The following SYT9 variants were observed in gnomAD, a reference collection of about 807,000 sequenced individuals.
SYT9 encodes the protein synaptotagmin 9, also known as synaptotagmin-9.
Under a neutral mutation model 48.4 loss-of-function variants are expected in SYT9, and 22 were observed. The ratio of observed to expected loss-of-function variants is 0.45; its 90% CI spans 0.32 to 0.65. The LOEUF (loss-of-function observed/expected upper bound fraction) is 0.65, where lower values mean the gene tolerates loss of function less well. SYT9 is among the 30% of genes least tolerant of loss of function. The pLI, the probability that SYT9 is intolerant of heterozygous loss-of-function variation, is 0.03. For missense variants in SYT9, 577 were observed against 622.0 expected (o/e 0.93, Z 0.77); for synonymous variants, 265 against 245.0 (o/e 1.08, Z -0.76).
chr11:7,425,604 T>A (rs1447226251), intron 6 of SYT9, among the ~76,000 whole-genome samples: 1 of 152,196 alleles, frequency 6.6e-6, no homozygotes, highest in Admixed American at 6.5e-5. Flanking sequence ...AAAGTGCTGC[T>A]ACTCAGCAAG....
At chr11:7,351,364 C>T (rs923534248) in intron 3 of SYT9, among the ~76,000 whole-genome samples, 1 of 152,190 alleles carries the variant, frequency 6.6e-6, no homozygotes, top group Non-Finnish European at 1.5e-5. Context: ...CAAGAGGGCC[C>T]TGAGGCTTTG....
chr11:7,418,106 A>G lies in SYT9; in HGVS notation c.1315A>G (p.Ile439Val), dbSNP rs559868199. The change falls in exon 5 of 7, where the codon ATA becomes GTA. Residue 439 changes from isoleucine to valine, a missense_variant. By Grantham distance (29) the Ile-to-Val change is conservative (BLOSUM62 3). Coordinates refer to ENST00000318881, the MANE Select transcript of SYT9 (RefSeq NM_175733.4). ...PENIDQIHLS[I>V]AVMDYDRVGH... ...GAACATTGACCAAATCCACTTGTCC[A>G]TAGCAGTCATGGACTATGACCGGTG... The G allele has an allele frequency of 3.3e-5, 53 of 1,614,030 alleles. 1 individual carries two copies. The South Asian group carries it at 4.6e-4, about 14-fold the overall frequency.
intron 6 of SYT9, among the ~76,000 whole-genome samples, chr11:7,449,362 C>A (rs990149095): frequency 1.4e-5 from 2 of 146,482 alleles, no homozygotes; most frequent in Non-Finnish European, 3.0e-5. Flanking sequence ...GGAGCAAAAG[C>A]GACAACCTTG....
chr11:7,372,604 A>C (rs1268976602), intron 3 of SYT9, among the ~76,000 whole-genome samples: 1 of 152,152 alleles, frequency 6.6e-6, no homozygotes, highest in Non-Finnish European at 1.5e-5. Context: ...CTTGGCTTCA[A>C]GCACTCCTTT....
chr11:7,411,542 A>G (rs985461309), intron 3 of SYT9, among the ~76,000 whole-genome samples: 8 of 152,092 alleles, frequency 5.3e-5, no homozygotes, highest in African/African-American at 1.7e-4. Flanking sequence ...CACTTTGAAT[A>G]TGTCTCTCTT....
At chr11:7,291,449 A>G (rs550164506) in intron 1 of SYT9, among the ~76,000 whole-genome samples, 2 of 152,314 alleles carry the variant, frequency 1.3e-5, no homozygotes, top group South Asian at 2.1e-4. Context: ...TTGTTTTACA[A>G]TCATAGAATT....
intron 2 of SYT9, among the ~76,000 whole-genome samples, chr11:7,309,550 C>G (rs1849092128): frequency 6.6e-6 from 1 of 152,204 alleles, no homozygotes; most frequent in Admixed American, 6.5e-5. Context: ...CTCAAAACCA[C>G]CTCCATTAAC....
intron 3 of SYT9, among the ~76,000 whole-genome samples, chr11:7,378,008 A>G (rs568639059): frequency 1.3e-5 from 2 of 152,210 alleles, no homozygotes; most frequent in Non-Finnish European, 2.9e-5. Context: ...TGGCAAATAT[A>G]TCAAATTCCA....
chr11:7,274,380 C>T (rs189107036), intron 1 of SYT9, among the ~76,000 whole-genome samples: 8 of 148,468 alleles, frequency 5.4e-5, no homozygotes, highest in Admixed American at 4.1e-4. Context: ...TGCAGTGGCA[C>T]GATCTTGGCT....
At chr11:7,404,060 T>C (rs1029605049) in intron 3 of SYT9, among the ~76,000 whole-genome samples, 5 of 152,216 alleles carry the variant, frequency 3.3e-5, no homozygotes, top group Non-Finnish European at 5.9e-5. Flanking sequence ...CTTTGACATA[T>C]AATTTGTCTG....
At chr11:7,377,779 A>G (rs1850481725) in intron 3 of SYT9, among the ~76,000 whole-genome samples, 1 of 152,150 alleles carries the variant, frequency 6.6e-6, no homozygotes, top group Non-Finnish European at 1.5e-5. Context: ...CTAGCCACTA[A>G]GAGCTTCTTA....
At chr11:7,423,194 G>A (rs745911070) in intron 6 of SYT9, among the ~76,000 whole-genome samples, 4 of 152,174 alleles carry the variant, frequency 2.6e-5, no homozygotes, top group Non-Finnish European at 5.9e-5. Flanking sequence ...CCTCTTCCCC[G>A]TTGCTTCCTG....
rs149292439 is a variant in SYT9 at position 7,263,380 on chromosome 11, C to G, written c.145+11049C>G. Among the ~76,000 whole-genome samples, 254 of 152,276 alleles carry G rather than the reference C, an allele frequency of 1.7e-3. 3 individuals are homozygous for G. The highest frequency in any genetic ancestry group is 0.01 in the Middle Eastern group (3 of 294). ...ATCCCATTCATGGGGGCTCTGCTCT[C>G]ATAGTCTAGTCACTTCCCCAAAGGC... On this transcript the variant is annotated intron_variant, in intron 1 of 6. Coordinates refer to ENST00000318881, the MANE Select transcript of SYT9 (RefSeq NM_175733.4).
intron 1 of SYT9, among the ~76,000 whole-genome samples, chr11:7,296,372 A>G (rs953895198): frequency 1.3e-5 from 2 of 152,248 alleles, no homozygotes; most frequent in African/African-American, 4.8e-5. Flanking sequence ...CTTAAGTTCA[A>G]TCATTTAAAC....
chr11:7,458,332 T>C (rs1283097352), intron 6 of SYT9, among the ~76,000 whole-genome samples: 3 of 152,092 alleles, frequency 2.0e-5, no homozygotes, highest in Middle Eastern at 3.4e-3. Context: ...AGTACAAAAA[T>C]TAGCCGGGCA....
chr11:7,387,227 G>A (rs184051295), intron 3 of SYT9, among the ~76,000 whole-genome samples: 4 of 152,050 alleles, frequency 2.6e-5, no homozygotes, highest in African/African-American at 9.7e-5. Context: ...GTTAATGGGT[G>A]CAGCATACCA....
At chr11:7,247,620 T>C (rs549131524), upstream of SYT9, among the ~76,000 whole-genome samples, 45 of 146,278 alleles carry the variant, frequency 3.1e-4, no homozygotes, top group African/African-American at 1.1e-3. Context: ...TATATACGTG[T>C]ATATATACGT....
At chr11:7,390,233 T>C (rs571277293) in intron 3 of SYT9, among the ~76,000 whole-genome samples, 1 of 152,230 alleles carries the variant, frequency 6.6e-6, no homozygotes, top group South Asian at 2.1e-4. Context: ...GAACATGCGG[T>C]GTTTGGTTTT....
intron 1 of SYT9, among the ~76,000 whole-genome samples, chr11:7,243,670 C>T (rs1027978473): frequency 2.4e-4 from 36 of 152,210 alleles, no homozygotes; most frequent in African/African-American, 8.4e-4. Context: ...GAGTGTCAGT[C>T]GACCTGCTCC....
Sources: allele counts gnomAD v4.1 joint callset (sites outside exome capture counted in the v4.1 genomes callset), GRCh38; gene constraint gnomAD v4.1.1; transcripts MANE v1.5; gene names NCBI Gene and HGNC (gene_info 2026-07-23, HGNC 2026-07-21).